CDH18: variants seen among roughly 807,000 people sequenced by gnomAD.
The protein encoded by CDH18 is cadherin-18.
In CDH18, 31 loss-of-function variants were observed where a neutral mutation model predicts 67.9. The ratio of observed to expected loss-of-function variants is 0.46; its 90% CI spans 0.34 to 0.62. The LOEUF is 0.62. Among genes scored for constraint, CDH18 ranks in the 20% least tolerant of loss-of-function variants. The probability of loss-of-function intolerance (pLI) is 0.01; values close to 1 mark genes in which losing one functional copy is unlikely to be tolerated. For synonymous variants in CDH18, 362 were observed against 347.2 expected (o/e 1.04, Z -0.48); for missense variants, 890 against 975.5 (o/e 0.91, Z 1.17).
At chr5:20,277,163 G>A (rs895515701) in intron 1 of CDH18, among the ~76,000 whole-genome samples, 4 of 152,082 alleles carry the variant, frequency 2.6e-5, no homozygotes, top group Admixed American at 1.3e-4. Flanking sequence ...GAACACAGGC[G>A]GTAGCCAGGA....
chr5:19,637,512 C>G (rs949843227), intron 5 of CDH18, among the ~76,000 whole-genome samples: 1 of 152,158 alleles, frequency 6.6e-6, no homozygotes, highest in Non-Finnish European at 1.5e-5. Context: ...TATTTAAGCT[C>G]TCCTGAACTC....
At chr5:20,454,825 C>T (rs944293824) in intron 1 of CDH18, among the ~76,000 whole-genome samples, 1 of 152,058 alleles carries the variant, frequency 6.6e-6, no homozygotes, top group Non-Finnish European at 1.5e-5. Context: ...TGAATAGATA[C>T]ATTGAGCTAG....
chr5:20,276,753 T>C (rs917310102), intron 1 of CDH18, among the ~76,000 whole-genome samples: 1 of 152,140 alleles, frequency 6.6e-6, no homozygotes, highest in Non-Finnish European at 1.5e-5. Flanking sequence ...GGACAGCATT[T>C]CTGCACTGGC....
chr5:20,321,119 A>G (rs1305147678), intron 1 of CDH18, among the ~76,000 whole-genome samples: 1 of 152,176 alleles, frequency 6.6e-6, no homozygotes. Context: ...ATAGCTCTGC[A>G]AACTCAGCAA....
chr5:19,978,658 T>G (rs189506186), intron 2 of CDH18, among the ~76,000 whole-genome samples: 1 of 152,262 alleles, frequency 6.6e-6, no homozygotes, highest in African/African-American at 2.4e-5. Flanking sequence ...GGAGAATCCA[T>G]TTCCTTTGTC....
chr5:19,772,514 A>C (rs1026157105), intron 3 of CDH18, among the ~76,000 whole-genome samples: 3 of 152,172 alleles, frequency 2.0e-5, no homozygotes, highest in African/African-American at 4.8e-5. Flanking sequence ...CTGAAAAAAA[A>C]CAGAATCTCC....
chr5:20,333,703 A>T (rs563298454), intron 1 of CDH18, among the ~76,000 whole-genome samples: 1 of 152,092 alleles, frequency 6.6e-6, no homozygotes, highest in Non-Finnish European at 1.5e-5. Flanking sequence ...TTTAACCGGC[A>T]TCGATTGTGC....
intron 10 of CDH18, among the ~76,000 whole-genome samples, chr5:19,516,373 T>C (rs1561245752): frequency 6.6e-6 from 1 of 152,190 alleles, no homozygotes; most frequent in Admixed American, 6.5e-5. Context: ...TAAAATGAGT[T>C]TGGGAGGATT....
At chr5:19,966,091 T>C (rs1200124932) in intron 2 of CDH18, among the ~76,000 whole-genome samples, 1 of 152,170 alleles carries the variant, frequency 6.6e-6, no homozygotes, top group African/African-American at 2.4e-5. Context: ...TACACACTAC[T>C]TTGATTTATA....
chr5:19,681,525 TG>T (rs1209689623), intron 5 of CDH18, among the ~76,000 whole-genome samples: 1 of 152,058 alleles, frequency 6.6e-6, no homozygotes, highest in Non-Finnish European at 1.5e-5. Flanking sequence ...ACCTAAAGAT[TG>T]GCTGCTTTTC....
At chr5:19,482,010 G>A (rs994961053) in intron 12 of CDH18, among the ~76,000 whole-genome samples, 2 of 152,006 alleles carry the variant, frequency 1.3e-5, no homozygotes, top group East Asian at 1.9e-4. Context: ...CTCTTCATGC[G>A]GCTGTGAAAA....
chr5:19,720,184 A>C (rs912878813), intron 5 of CDH18, among the ~76,000 whole-genome samples: 9 of 152,156 alleles, frequency 5.9e-5, no homozygotes, highest in African/African-American at 2.2e-4. Context: ...TTGGTAAATA[A>C]ATCTATAATC....
At chr5:19,928,290 C>T (rs751397451) in intron 2 of CDH18, among the ~76,000 whole-genome samples, 35 of 152,062 alleles carry the variant, frequency 2.3e-4, no homozygotes, top group Non-Finnish European at 4.3e-4. Flanking sequence ...TTTGTATTTT[C>T]GGTACTAAAA....
At chr5:20,030,530 G>A (rs1464827099) in intron 2 of CDH18, among the ~76,000 whole-genome samples, 1 of 152,114 alleles carries the variant, frequency 6.6e-6, no homozygotes, top group Non-Finnish European at 1.5e-5. Flanking sequence ...AAGATAAGAT[G>A]CCATTATTGG....
chr5:20,471,770 CCAGCACTCCAGCCTGGGCGACAGAT>C (rs1210994342), intron 1 of CDH18, among the ~76,000 whole-genome samples: 7 of 141,290 alleles, frequency 5.0e-5, no homozygotes, highest in African/African-American at 7.7e-5. Flanking sequence ...CCACTGCACT[CCAGCACTCCAGCCTGGGCGACAGAT>C]CAGCACTCCA....
chr5:20,284,389 A>C (rs144852772), intron 1 of CDH18, among the ~76,000 whole-genome samples: 1 of 152,092 alleles, frequency 6.6e-6, no homozygotes, highest in East Asian at 1.9e-4. Context: ...TAAAAATAAA[A>C]ATTATAAAAA....
At chr5:19,934,801 A>G in intron 2 of CDH18, among the ~76,000 whole-genome samples, 1 of 151,422 alleles carries the variant, frequency 6.6e-6, no homozygotes, top group East Asian at 1.9e-4. Context: ...AACCTTGCAC[A>G]GAATAATAGA....
At chr5:19,708,945 C>A (rs1457946908) in intron 5 of CDH18, among the ~76,000 whole-genome samples, 1 of 151,914 alleles carries the variant, frequency 6.6e-6, no homozygotes, top group Non-Finnish European at 1.5e-5. Context: ...CTGGTCTCAG[C>A]ATCAGCGAGA....
chr5:19,757,702 A>G (rs535397167), intron 3 of CDH18, among the ~76,000 whole-genome samples: 48 of 152,164 alleles, frequency 3.2e-4, no homozygotes, highest in Middle Eastern at 3.4e-3. Context: ...CTCTTCCCCA[A>G]ATTTCTTTGT....
Sources: gnomAD v4.1 joint callset for allele counts (sites outside exome capture counted in the v4.1 genomes callset) on GRCh38, gnomAD v4.1.1 for gene constraint, MANE v1.5 for transcripts, NCBI Gene and HGNC (gene_info 2026-07-23, HGNC 2026-07-21) for gene names.